The following DIP2B variants were observed in gnomAD, a reference collection of about 807,000 sequenced individuals.
DIP2B encodes the protein DIP2 acetate--CoA ligase B (putative).
Under a neutral mutation model 198.0 loss-of-function variants are expected in DIP2B, and 76 were observed. The observed-to-expected ratio is 0.38, with a 90% CI of 0.32 to 0.46. DIP2B has a LOEUF of 0.46. DIP2B is among the 20% of genes least tolerant of loss of function. The pLI, the probability that DIP2B is intolerant of heterozygous loss-of-function variation, is 0.99. For synonymous variants in DIP2B, 701 were observed against 739.1 expected, an observed-to-expected ratio of 0.95 and a Z score of 0.84; for missense variants, 1,559 against 1,978.4, an observed-to-expected ratio of 0.79 and a Z score of 4.02.
At chr12:50,637,170 C>T (rs1046813695) in intron 2 of DIP2B, among the ~76,000 whole-genome samples, 3 of 152,126 alleles carry the variant, frequency 2.0e-5, no homozygotes, top group Non-Finnish European at 4.4e-5. Context: ...CATCCTGCTT[C>T]ATTAATAGTA....
chr12:50,584,102 T>C lies in DIP2B; in HGVS notation c.101-41874T>C, dbSNP rs545023954. ...TTCTCTTTATTTACACTCTCTCCCA[T>C]GTGATTTCACCCACTTCCATGGCTT... On this transcript the variant is annotated intron_variant, in intron 1 of 37. Transcript: ENST00000301180. Among the ~76,000 whole-genome samples, 59 of 152,358 alleles carry C rather than the reference T, an allele frequency of 3.9e-4. 3 individuals are homozygous for C. In the South Asian group the frequency reaches 7.0e-3, roughly 18 times the overall value.
chr12:50,507,516 ATAAG>A (rs1361743945), intron 1 of DIP2B, among the ~76,000 whole-genome samples: 1 of 152,168 alleles, frequency 6.6e-6, no homozygotes, highest in Non-Finnish European at 1.5e-5. Flanking sequence ...CTGCTCTAAC[ATAAG>A]TACTTTGTCT....
Position 50,733,333 on chromosome 12 carries a change from A to G in DIP2B, c.3981+797A>G, listed in dbSNP as rs1002472383. ...TGGCAACTTTGTCATGTTATTCTTG[A>G]TGGGTAAATAACAGAAAAGGGACTA... On this transcript the variant is annotated intron_variant, in intron 32 of 37. Transcript: ENST00000301180. 1.7e-4 allele frequency among the ~76,000 whole-genome samples: 24 copies of G among 144,466 alleles called. 1 individual carries two copies. Among genetic ancestry groups the G allele is most frequent in the South Asian group, 6.4e-4 (3 of 4,652 alleles). 94.8% of individuals were successfully genotyped at this position (144,466 alleles called of 152,430 possible). A position where few individuals can be genotyped will look rare whatever the true frequency, so the allele number is the denominator to read the frequency against.
chr12:50,642,807 A>G (rs997568308), intron 3 of DIP2B, among the ~76,000 whole-genome samples: 1 of 152,076 alleles, frequency 6.6e-6, no homozygotes, highest in African/African-American at 2.4e-5. Flanking sequence ...ACAACAACAC[A>G]TCGTGGTTAC....
chr12:50,680,168 A>G (rs1939013222), intron 8 of DIP2B: 1 of 151,118 alleles, frequency 6.6e-6, no homozygotes, highest in African/African-American at 2.4e-5. Context: ...CTGAGGCAAG[A>G]ATTACTCAAA....
At chr12:50,705,672 T>G (rs1057325071) in intron 20 of DIP2B, among the ~76,000 whole-genome samples, 1 of 152,252 alleles carries the variant, frequency 6.6e-6, no homozygotes, top group Admixed American at 6.5e-5. Context: ...AGTGACTGTC[T>G]CATTCTCTTA....
chr12:50,736,008 A>G (rs1308271253), intron 34 of DIP2B, among the ~76,000 whole-genome samples: 2 of 152,236 alleles, frequency 1.3e-5, no homozygotes, highest in Non-Finnish European at 2.9e-5. Flanking sequence ...GGAAACCCAC[A>G]TGCATTGTCA....
At chr12:50,656,500 G>T (rs1407294145) in intron 3 of DIP2B, among the ~76,000 whole-genome samples, 1 of 152,208 alleles carries the variant, frequency 6.6e-6, no homozygotes, top group Non-Finnish European at 1.5e-5. Context: ...TAACAGAATA[G>T]TCATGGAATA....
intron 17 of DIP2B, 31 bp downstream of exon 17, chr12:50,697,206 G>A (rs373966901): frequency 7.9e-5 from 125 of 1,589,944 alleles, no homozygotes; most frequent in Non-Finnish European, 1.1e-4. Flanking sequence ...TGCTCTTGAT[G>A]TATGTTACAA....
intron 35 of DIP2B, among the ~76,000 whole-genome samples, chr12:50,738,606 C>T (rs1343454862): frequency 6.6e-6 from 1 of 152,162 alleles, no homozygotes; most frequent in Non-Finnish European, 1.5e-5. Flanking sequence ...GCCTCAGCCT[C>T]CTGTGTAGCT....
At chr12:50,729,636 C>CA (rs200896829) in intron 30 of DIP2B, among the ~76,000 whole-genome samples, 136 of 149,220 alleles carry the variant, frequency 9.1e-4, no homozygotes, top group East Asian at 2.9e-3. Flanking sequence ...TGCTTAAAAA[C>CA]AAAAAAAAAC....
At chr12:50,545,169 T>C (rs1958365121) in intron 1 of DIP2B, among the ~76,000 whole-genome samples, 1 of 152,216 alleles carries the variant, frequency 6.6e-6, no homozygotes, top group Non-Finnish European at 1.5e-5. Context: ...GTGGAATTGC[T>C]TGGTCTTAGG....
At position 50,744,922 on chromosome 12, in the gene DIP2B, T is replaced by C; in HGVS notation, c.*83T>C. ...CTGGCTAAGAGCAGGCTTCAAACGATGTGAAATAAGCTGAGATGGCTACAT... is the reference window on the plus strand; with the variant it reads ...CTGGCTAAGAGCAGGCTTCAAACGACGTGAAATAAGCTGAGATGGCTACAT... On this transcript the variant is annotated 3_prime_UTR_variant, in exon 38 of 38. Coordinates refer to ENST00000301180, the MANE Select transcript of DIP2B (RefSeq NM_173602.3). The C allele has an allele frequency of 6.6e-7, 1 of 1,511,640 alleles. No homozygotes were observed. The highest frequency in any genetic ancestry group is 9.0e-7 in the Non-Finnish European group (1 of 1,112,088). 93.6% of individuals were successfully genotyped at this position (1,511,640 alleles called of 1,614,324 possible).
chr12:50,664,665 C>T (rs1938714032), intron 4 of DIP2B, among the ~76,000 whole-genome samples: 1 of 151,976 alleles, frequency 6.6e-6, no homozygotes, highest in Non-Finnish European at 1.5e-5. Context: ...TTGCTGCGTT[C>T]TGAGAGTGCA....
At chr12:50,592,209 C>T (rs537750776) in intron 1 of DIP2B, among the ~76,000 whole-genome samples, 29 of 152,166 alleles carry the variant, frequency 1.9e-4, no homozygotes, top group Admixed American at 6.5e-4. Context: ...TAGAGACAGC[C>T]TGTTGTCCAG....
intron 1 of DIP2B, among the ~76,000 whole-genome samples, chr12:50,575,150 G>A (rs1958647821): frequency 6.6e-6 from 1 of 151,706 alleles, no homozygotes; most frequent in Non-Finnish European, 1.5e-5. Context: ...TCATATCTTG[G>A]TGGTTACCAG....
chr12:50,546,895 T>C (rs1279793781), intron 1 of DIP2B, among the ~76,000 whole-genome samples: 3 of 152,232 alleles, frequency 2.0e-5, no homozygotes, highest in Non-Finnish European at 4.4e-5. Flanking sequence ...TGGTTTTATG[T>C]ATAAATAATT....
chr12:50,521,183 T>C (rs1289968561), intron 1 of DIP2B, among the ~76,000 whole-genome samples: 1 of 144,870 alleles, frequency 6.9e-6, no homozygotes, highest in Non-Finnish European at 1.5e-5. Context: ...GTCAGGTCAC[T>C]GCAACCTCTG....
chr12:50,660,957 A>C (rs1938635781), intron 4 of DIP2B, among the ~76,000 whole-genome samples: 1 of 152,184 alleles, frequency 6.6e-6, no homozygotes, highest in Non-Finnish European at 1.5e-5. Context: ...ATCCCTGTTC[A>C]CCAGACTTCA....
Sources: gnomAD v4.1 joint callset for allele counts (sites outside exome capture counted in the v4.1 genomes callset) on GRCh38, gnomAD v4.1.1 for gene constraint, MANE v1.5 for transcripts, NCBI Gene and HGNC (gene_info 2026-07-23, HGNC 2026-07-21) for gene names.